Variants in UBR2 observed in about 807,000 individuals in gnomAD.
The protein encoded by UBR2 is E3 ubiquitin-protein ligase UBR2.
Under a neutral mutation model 247.9 loss-of-function variants are expected in UBR2, and 92 were observed. That is an observed-to-expected ratio of 0.37 (90% CI 0.31 to 0.44). The LOEUF (loss-of-function observed/expected upper bound fraction) is 0.44, where lower values mean the gene tolerates loss of function less well. Ranked by LOEUF, UBR2 falls within the 20% of genes least tolerant of loss-of-function variation. The pLI, the probability that UBR2 is intolerant of heterozygous loss-of-function variation, is 1.00. For synonymous variants in UBR2, 672 were observed against 693.5 expected (o/e 0.97, Z 0.49); for missense variants, 1,613 against 2,112.6 (o/e 0.76, Z 4.64).
intron 25 of UBR2, 57 bp from the exon 26 acceptor site, chr6:42,655,564 A>T: frequency 1.0e-6 from 1 of 963,672 alleles, no homozygotes; most frequent in Non-Finnish European, 1.5e-6. Context: ...ATTTCTTATT[A>T]AAATATGTAC....
At chr6:42,622,407 T>TG (rs1351652617) in intron 11 of UBR2, among the ~76,000 whole-genome samples, 9 of 147,450 alleles carry the variant, frequency 6.1e-5, no homozygotes, top group African/African-American at 2.3e-4. Context: ...TTTGGTGGGT[T>TG]TTTTTTTTTT....
chr6:42,586,213 A>G (rs1732733786), intron 2 of UBR2, among the ~76,000 whole-genome samples: 1 of 151,906 alleles, frequency 6.6e-6, no homozygotes. Context: ...AAAAAAAAAA[A>G]AATACAAAAA....
intron 36 of UBR2, among the ~76,000 whole-genome samples, chr6:42,671,785 C>G (rs923629446): frequency 6.6e-6 from 1 of 152,176 alleles, no homozygotes; most frequent in Non-Finnish European, 1.5e-5. Context: ...TTTTAAACCT[C>G]CAGAGTTCTG....
At chr6:42,575,568 T>G (rs536501518) in intron 2 of UBR2, among the ~76,000 whole-genome samples, 1 of 152,342 alleles carries the variant, frequency 6.6e-6, no homozygotes, top group African/African-American at 2.4e-5. Context: ...ACTTTCATGA[T>G]CTTGACACTT....
rs1203458322 is a variant in UBR2 at position 42,659,518 on chromosome 6, T to TACACAC, written c.3243-137_3243-136insCACACA. The TACACAC allele has an allele frequency of 3.9e-6, 2 of 508,434 alleles. No homozygotes were observed. The highest frequency in any genetic ancestry group is 4.6e-5 in the African/African-American group (1 of 21,748). The allele number at this position is 508,434 out of a possible 1,614,324, so 31.5% of individuals were successfully genotyped here. ...CTGTCTCAAAAAATAAATAAATATA[T>TACACAC]ATACACACACACACACACACACACA... On this transcript the variant is annotated intron_variant, in intron 29 of 46. Transcript: ENST00000372901. The surrounding 1 kb of genome is among the most constrained non-coding windows in gnomAD (Gnocchi z 4.3).
Position 42,644,334 on chromosome 6 carries a change from A to G in UBR2, c.2218A>G (p.Lys740Glu). The G allele has an allele frequency of 6.2e-7, 1 of 1,610,602 alleles. No homozygotes were observed. The highest frequency in any genetic ancestry group is 8.5e-7 in the Non-Finnish European group (1 of 1,179,132). The change falls in exon 19 of 47, where the codon AAG (lysine) becomes GAG (glutamate). Residue 740 changes from lysine to glutamate, a missense_variant and splice_region_variant. By Grantham distance (56) the Lys-to-Glu change is moderately conservative (BLOSUM62 1). Transcript: ENST00000372901. ...AAGATTTAGTTCTGAGATTACCCAT[A>G]AGGTAAGAACGTGTTTTATGAAACC... Reference protein sequence around the residue: ...GKRFSSEITHKDVVQQNNTLI... With the variant: ...GKRFSSEITHEDVVQQNNTLI...
intron 25 of UBR2, among the ~76,000 whole-genome samples, chr6:42,653,770 G>T (rs1464914365): frequency 6.6e-6 from 1 of 151,636 alleles, no homozygotes; most frequent in East Asian, 1.9e-4. Context: ...TGCCTGTCAC[G>T]AAGCCCAGCT....
chr6:42,661,969 G>A (rs1401581469), intron 30 of UBR2, among the ~76,000 whole-genome samples: 3 of 152,172 alleles, frequency 2.0e-5, no homozygotes, highest in East Asian at 3.8e-4. Flanking sequence ...ATTTGAGAAT[G>A]TTTAATTAAT....
chr6:42,677,336 G>C (rs1383995038), intron 40 of UBR2, among the ~76,000 whole-genome samples: 4 of 152,188 alleles, frequency 2.6e-5, no homozygotes, highest in Admixed American at 2.0e-4. Flanking sequence ...TAGCAATTCA[G>C]TAGTTTGCTT....
chr6:42,666,823 A>G lies in UBR2; in HGVS notation c.3881+578A>G, dbSNP rs572693556. ...CCCCATAGCCAGTTAGTTACAAGGT[A>G]TAGCATAGATTCTGGAGCTAGACTG... is the stretch of plus-strand genomic sequence containing the variant. On this transcript the variant is annotated intron_variant, in intron 34 of 46. Transcript: ENST00000372901. Among the ~76,000 whole-genome samples the G allele has an allele frequency of 1.1e-4, 16 of 152,324 alleles. No individual in the cohort carries two copies. In the East Asian group the frequency reaches 2.9e-3, roughly 28 times the overall value.
intron 10 of UBR2, 37 bp downstream of exon 10, chr6:42,616,127 TAGAGTAA>T: frequency 1.4e-6 from 2 of 1,435,438 alleles, no homozygotes; most frequent in South Asian, 1.3e-5. Context: ...AGGTTATATA[TAGAGTAA>T]CTATGCCCAT....
intron 38 of UBR2, 101 bp from the exon 39 acceptor site, chr6:42,675,948 CTCTGTCT>C: frequency 6.9e-7 from 1 of 1,455,624 alleles, no homozygotes; most frequent in Non-Finnish European, 9.1e-7. Flanking sequence ...CAGAGTAAGA[CTCTGTCT>C]CAAAAAAAAA....
intron 44 of UBR2, among the ~76,000 whole-genome samples, chr6:42,687,701 T>C (rs937687218): frequency 1.1e-4 from 17 of 151,966 alleles, no homozygotes; most frequent in Non-Finnish European, 2.4e-4. Flanking sequence ...CCACCATGCC[T>C]GGCTAATTTT....
intron 19 of UBR2, 42 bp downstream of exon 19, chr6:42,644,378 A>G: frequency 6.2e-7 from 1 of 1,606,978 alleles, no homozygotes; most frequent in Non-Finnish European, 8.5e-7. Context: ...TTGCTAAAGA[A>G]GCATCTTTCC....
intron 2 of UBR2, among the ~76,000 whole-genome samples, chr6:42,580,474 C>A (rs1263562150): frequency 2.0e-5 from 3 of 152,146 alleles, no homozygotes. Context: ...TATCTCTTGG[C>A]CCCTCTGTGA....
At chr6:42,650,719 C>G (rs192887725) in intron 23 of UBR2, among the ~76,000 whole-genome samples, 1 of 152,116 alleles carries the variant, frequency 6.6e-6, no homozygotes, top group African/African-American at 2.4e-5. Flanking sequence ...ACTTAAAATA[C>G]CCTCACCTAA....
chr6:42,655,369 T>A (rs1797379108), intron 25 of UBR2, among the ~76,000 whole-genome samples: 1 of 150,666 alleles, frequency 6.6e-6, no homozygotes, highest in African/African-American at 2.4e-5. Context: ...TCCCAGCTAC[T>A]CGGGAGGCTG....
intron 8 of UBR2, among the ~76,000 whole-genome samples, chr6:42,614,375 T>TATATATGTATGTAGGTACATACATAC (rs70990112): frequency 1.4e-5 from 1 of 69,752 alleles, no homozygotes; most frequent in Admixed American, 1.4e-4. Context: ...TGTGTATGTG[T>TATATATGTATGTAGGTACATACATAC]GTATATATGT....
Position 42,659,572 on chromosome 6 carries a change from A to C in UBR2, c.3243-84A>C. 10 of 1,083,650 alleles carry C rather than the reference A, an allele frequency of 9.2e-6. No homozygotes were observed. Among genetic ancestry groups the C allele is most frequent in the Non-Finnish European group, 1.4e-5 (10 of 738,154 alleles). The allele number at this position is 1,083,650 out of a possible 1,614,324, so 67.1% of individuals were successfully genotyped here. ...ACACACACACACACACTACACACAC[A>C]CACACATACCTGTAGTCTGCTATTT... On this transcript the variant is annotated intron_variant, in intron 29 of 46. Coordinates refer to ENST00000372901, the MANE Select transcript of UBR2 (RefSeq NM_001363705.2). The surrounding 1 kb of genome is among the most constrained non-coding windows in gnomAD (Gnocchi z 4.3).
Sources: allele counts gnomAD v4.1 joint callset (sites outside exome capture counted in the v4.1 genomes callset), GRCh38; gene constraint gnomAD v4.1.1; non-coding constraint Gnocchi (gnomAD v3.1); transcripts MANE v1.5; gene names NCBI Gene and HGNC (gene_info 2026-07-23, HGNC 2026-07-21).